The following PCDHB8 variants were observed in gnomAD, a reference collection of about 807,000 sequenced individuals.
PCDHB8 encodes the protein protocadherin beta 8, also known as protocadherin beta-8.
For synonymous variants in PCDHB8, 385 were observed against 448.5 expected (o/e 0.86, Z 1.79); for missense variants, 836 against 1,004.0 (o/e 0.83, Z 2.26).
chr5:141,178,428 C>T lies in PCDHB8; in HGVS notation c.394C>T (p.Pro132Ser), dbSNP rs1753435545. The T allele has an allele frequency of 6.2e-7, 1 of 1,612,962 alleles. No individual in the cohort carries two copies. The highest frequency in any genetic ancestry group is 8.5e-7 in the Non-Finnish European group (1 of 1,179,404). ...LQVIDINDHS[P>S]VFLDKQMLVK... ...AGTAATAGACATAAACGACCACTCT[C>T]CAGTATTTCTGGACAAACAAATGTT... The change falls in exon 1 of 1, where the codon CCA becomes TCA. Residue 132 changes from proline to serine, a missense_variant. Pro to Ser is a moderately conservative substitution (Grantham distance 74). Coordinates refer to ENST00000239444, the MANE Select transcript of PCDHB8 (RefSeq NM_019120.5).
At position 141,179,937 on chromosome 5, in the gene PCDHB8, G is replaced by T; in HGVS notation, c.1903G>T (p.Asp635Tyr). The change falls in exon 1 of 1, where the codon GAC becomes TAC. Residue 635 changes from aspartate to tyrosine, a missense_variant. Asp to Tyr is a radical substitution (Grantham distance 160). Transcript: ENST00000239444. ...VRTARLLSER[D>Y]AAKQRLVVLV... ...CACCGCCAGGCTGCTGAGCGAGCGC[G>T]ACGCGGCCAAGCAGAGGCTGGTGGT... The T allele has an allele frequency of 6.2e-7, 1 of 1,608,890 alleles. No homozygotes were observed. Among genetic ancestry groups the T allele is most frequent in the Non-Finnish European group, 8.5e-7 (1 of 1,179,558 alleles).
chr5:141,178,800 A>G lies in PCDHB8; in HGVS notation c.766A>G (p.Ser256Gly), dbSNP rs782521033. ...CTATAGGGTGCAGATCTCTGAGGAC[A>G]GTCCAATAAGCTTCCTGGTTGTGAA... ...PFYRVQISED[S>G]PISFLVVKVS... The change falls in exon 1 of 1, where the codon AGT becomes GGT. Residue 256 changes from serine to glycine, a missense_variant. Transcript: ENST00000239444. 2 of 1,614,040 alleles carry G rather than the reference A, an allele frequency of 1.2e-6. No individual in the cohort carries two copies. Among genetic ancestry groups the G allele is most frequent in the Non-Finnish European group, 1.7e-6 (2 of 1,180,004 alleles).
chr5:141,177,796 T>G lies in PCDHB8; in HGVS notation c.-239T>G. Reference sequence around the variant, plus strand: ...ATCCTGTGAGGACCCGTGGTGGCGCTGCAGGATAAGAAGGCACAAACCAGA... The same window carrying G: ...ATCCTGTGAGGACCCGTGGTGGCGCGGCAGGATAAGAAGGCACAAACCAGA... On this transcript the variant is annotated 5_prime_UTR_variant, in exon 1 of 1. Coordinates refer to ENST00000239444, the MANE Select transcript of PCDHB8 (RefSeq NM_019120.5). 1 of 632,410 alleles carries G rather than the reference T, an allele frequency of 1.6e-6. No homozygotes were observed. Among genetic ancestry groups the G allele is most frequent in the Admixed American group, 3.0e-5 (1 of 32,828 alleles). The allele number at this position is 632,410 out of a possible 1,614,324, so 39.2% of individuals were successfully genotyped here. A position where few individuals can be genotyped will look rare whatever the true frequency, so the allele number is the denominator to read the frequency against.
In PCDHB8 at chr5:141,178,973, T is replaced by G. The variant is rs1339306862; in HGVS notation, c.939T>G (p.Phe313Leu). The G allele has an allele frequency of 6.2e-7, 1 of 1,614,130 alleles. No individual in the cohort carries two copies. Among genetic ancestry groups the G allele is most frequent in the African/African-American group, 1.3e-5 (1 of 74,934 alleles). Reference protein sequence around the residue: ...RLKKQLDFEKFQSYEVNIEAR... With the variant: ...RLKKQLDFEKLQSYEVNIEAR... ...AGAAACAACTTGATTTCGAAAAATT[T>G]CAGTCCTATGAAGTCAATATCGAGG... The change falls in exon 1 of 1, where the codon TTT becomes TTG. Residue 313 changes from phenylalanine to leucine, a missense_variant. Coordinates refer to ENST00000239444, the MANE Select transcript of PCDHB8 (RefSeq NM_019120.5).
Position 141,178,955 on chromosome 5 carries a change from A to C in PCDHB8, c.921A>C (p.Gln307His), listed in dbSNP as rs782242390. 1.9e-6 allele frequency: 3 copies of C among 1,614,120 alleles called. No individual in the cohort carries two copies. Among genetic ancestry groups the C allele is most frequent in the African/African-American group, 2.7e-5 (2 of 74,932 alleles). Residue 307 changes from glutamine to histidine, a missense_variant, in exon 1 of 1, where the codon CAA becomes CAC. Transcript: ENST00000239444. ...CAGGAGAAATTCGACTAAAGAAACA[A>C]CTTGATTTCGAAAAATTTCAGTCCT... ...FLTGEIRLKK[Q>H]LDFEKFQSYE...
chr5:141,180,375 G>T lies in PCDHB8; in HGVS notation c.2341G>T (p.Gly781Trp). The change falls in exon 1 of 1, where the codon GGG (glycine) becomes TGG (tryptophan). Residue 781 changes from glycine to tryptophan, a missense_variant. Gly to Trp is a radical substitution (Grantham distance 184, BLOSUM62 -2). Coordinates refer to ENST00000239444, the MANE Select transcript of PCDHB8 (RefSeq NM_019120.5). ...VLPNIQGHSF[G>W]PEMEQNSNFR... ...ACCTAATATTCAGGGCCATTCTTTT[G>T]GGCCAGAAATGGAACAAAACTCTAA... The T allele has an allele frequency of 6.2e-7, 1 of 1,612,678 alleles. No individual in the cohort carries two copies. The highest frequency in any genetic ancestry group is 8.5e-7 in the Non-Finnish European group (1 of 1,178,842).
rs1554280808 is a variant in PCDHB8, at chr5:141,177,867, G to C, written c.-168G>C. 1 of 633,634 alleles carries C rather than the reference G, an allele frequency of 1.6e-6. No individual in the cohort carries two copies. The highest frequency in any genetic ancestry group is 2.8e-5 in the East Asian group (1 of 35,440). 39.3% of individuals were successfully genotyped at this position (633,634 alleles called of 1,614,324 possible). A position where few individuals can be genotyped will look rare whatever the true frequency, so the allele number is the denominator to read the frequency against. On this transcript the variant is annotated 5_prime_UTR_variant, in exon 1 of 1. Transcript: ENST00000239444. ...AACCGGCAAAAAGCAGCAGAACCTGGAAGTCCACGGGGAGCTTGGATGCCA... is the reference window on the plus strand; with the variant it reads ...AACCGGCAAAAAGCAGCAGAACCTGCAAGTCCACGGGGAGCTTGGATGCCA...
At position 141,180,179 on chromosome 5, in the gene PCDHB8, T is replaced by G. The variant is rs528552918; in HGVS notation, c.2145T>G (p.Cys715Trp). 17 of 1,612,516 alleles carry G rather than the reference T, an allele frequency of 1.1e-5. No individual in the cohort carries two copies. The highest frequency in any genetic ancestry group is 1.4e-5 in the Non-Finnish European group (17 of 1,179,916). The stretch of plus-strand genomic sequence containing the variant: ...TCCTGTTCGTGGCGGTGCTGCTGTG[T>G]AGGAGGAGCAGGGCGGCCTCGGTGG... ...SVLLFVAVLL[C>W]RRSRAASVGR... The change falls in exon 1 of 1, where the codon TGT (cysteine) becomes TGG (tryptophan). Residue 715 changes from cysteine to tryptophan, a missense_variant. Transcript: ENST00000239444.
In PCDHB8 at chr5:141,179,262, C is replaced by T; in HGVS notation, c.1228C>T (p.Leu410=). The T allele has an allele frequency of 6.2e-7, 1 of 1,614,254 alleles. No homozygotes were observed. Among genetic ancestry groups the T allele is most frequent in the East Asian group, 2.2e-5 (1 of 44,878 alleles). ...NFYTLLTETP[L]DRESRAEYNV... ...TTACACCCTACTAACAGAGACACCA[C>T]TAGACAGAGAAAGCAGAGCCGAGTA... is the stretch of plus-strand genomic sequence containing the variant. The change falls in exon 1 of 1, where the codon CTA becomes TTA. Residue 410 remains leucine (L), a synonymous_variant. Coordinates refer to ENST00000239444, the MANE Select transcript of PCDHB8 (RefSeq NM_019120.5).
Position 141,179,350 on chromosome 5 carries a change from C to A in PCDHB8, c.1316C>A (p.Thr439Asn), listed in dbSNP as rs1170238904. The A allele has an allele frequency of 1.9e-6, 3 of 1,614,140 alleles. No individual in the cohort carries two copies. Among genetic ancestry groups the A allele is most frequent in the Non-Finnish European group, 2.5e-6 (3 of 1,180,054 alleles). The part of the protein sequence containing the change: ...TPRLTTHLNM[T>N]VLVSDVNDNA... ...AGGCTGACAACACATCTCAATATGA[C>A]CGTGCTGGTGTCGGACGTCAATGAC... Residue 439 changes from threonine (T) to asparagine (N), a missense_variant, in exon 1 of 1, where the codon ACC (threonine) becomes AAC (asparagine). By Grantham distance (65) the Thr-to-Asn change is moderately conservative. Coordinates refer to ENST00000239444, the MANE Select transcript of PCDHB8 (RefSeq NM_019120.5).
chr5:141,180,141 C>T lies in PCDHB8; in HGVS notation c.2107C>T (p.Leu703Phe). The change falls in exon 1 of 1, where the codon CTC becomes TTC. Residue 703 changes from leucine (L) to phenylalanine (F), a missense_variant. By Grantham distance (22) the Leu-to-Phe change is conservative. Transcript: ENST00000239444. Reference protein sequence around the residue: ...VALASVSSLFLFSVLLFVAVL... With the variant: ...VALASVSSLFFFSVLLFVAVL... ...GTTGGCCTCGGTGTCTTCGCTCTTC[C>T]TCTTCTCGGTGCTCCTGTTCGTGGC... The T allele has an allele frequency of 6.2e-7, 1 of 1,611,630 alleles. No homozygotes were observed. The highest frequency in any genetic ancestry group is 8.5e-7 in the Non-Finnish European group (1 of 1,179,872).
Position 141,180,329 on chromosome 5 carries a change from C to G in PCDHB8, c.2295C>G (p.Phe765Leu). ...CLAGGSGTNE[F>L]QLLKPVLPNI... ...CAGGAGGCTCAGGGACGAATGAGTT[C>G]CAGCTCCTGAAACCAGTATTACCTA... Residue 765 changes from phenylalanine (F) to leucine (L), a missense_variant, in exon 1 of 1, where the codon TTC becomes TTG. Physicochemically the swap from Phe to Leu is conservative, Grantham distance 22. Coordinates refer to ENST00000239444, the MANE Select transcript of PCDHB8 (RefSeq NM_019120.5). The G allele has an allele frequency of 6.2e-7, 1 of 1,614,048 alleles. No homozygotes were observed. Among genetic ancestry groups the G allele is most frequent in the East Asian group, 2.2e-5 (1 of 44,882 alleles).
At position 141,178,976 on chromosome 5, in the gene PCDHB8, G is replaced by A. The variant is rs1334107753; in HGVS notation, c.942G>A (p.Gln314=). The change falls in exon 1 of 1, where the codon CAG becomes CAA. Residue 314 remains glutamine, a synonymous_variant. Coordinates refer to ENST00000239444, the MANE Select transcript of PCDHB8 (RefSeq NM_019120.5). ...AACAACTTGATTTCGAAAAATTTCA[G>A]TCCTATGAAGTCAATATCGAGGCGA... The part of the protein sequence containing the change: ...LKKQLDFEKF[Q]SYEVNIEARD... 1 of 1,614,238 alleles carries A rather than the reference G, an allele frequency of 6.2e-7. No individual in the cohort carries two copies. Among genetic ancestry groups the A allele is most frequent in the Non-Finnish European group, 8.5e-7 (1 of 1,180,052 alleles).
chr5:141,179,680 G>C lies in PCDHB8; in HGVS notation c.1646G>C (p.Arg549Pro), dbSNP rs782623402. The change falls in exon 1 of 1, where the codon CGC (arginine) becomes CCC (proline). Residue 549 changes from arginine to proline, a missense_variant. Arg to Pro is a moderately radical substitution (Grantham distance 103, BLOSUM62 -2). Transcript: ENST00000239444. The stretch of plus-strand genomic sequence containing the variant: ...GCTTTGAGCAGCGAGGCGCTGGTGC[G>C]CGTGCTGGTGCTGGACGCCAACGAC... ...SPALSSEALV[R>P]VLVLDANDNS... 1.2e-6 allele frequency: 2 copies of C among 1,612,334 alleles called. No homozygotes were observed. Among genetic ancestry groups the C allele is most frequent in the Non-Finnish European group, 8.5e-7 (1 of 1,179,828 alleles).
In PCDHB8 at chr5:141,178,742, C is replaced by G; in HGVS notation, c.708C>G (p.Val236=). 1 of 1,591,056 alleles carries G rather than the reference C, an allele frequency of 6.3e-7. No individual in the cohort carries two copies. The highest frequency in any genetic ancestry group is 2.3e-5 in the East Asian group (1 of 43,844). Reference sequence around the variant, plus strand: ...AGGTCTACATTGAAGTTGTCGATGTCAATGATAATGCCCCTGAATTTGAGC... The same window carrying G: ...AGGTCTACATTGAAGTTGTCGATGTGAATGATAATGCCCCTGAATTTGAGC... The part of the protein sequence containing the change: ...TAQVYIEVVD[V]NDNAPEFEQP... Residue 236 remains valine (V), a synonymous_variant, in exon 1 of 1, where the codon GTC becomes GTG. Transcript: ENST00000239444.
Position 141,179,862 on chromosome 5 carries a change from G to T in PCDHB8, c.1828G>T (p.Ala610Ser), listed in dbSNP as rs2149658195. 6.2e-7 allele frequency: 1 copy of T among 1,609,958 alleles called. No homozygotes were observed. The highest frequency in any genetic ancestry group is 2.2e-5 in the East Asian group (1 of 44,870). The change falls in exon 1 of 1, where the codon GCC (alanine) becomes TCC (serine). Residue 610 changes from alanine (A) to serine (S), a missense_variant. Coordinates refer to ENST00000239444, the MANE Select transcript of PCDHB8 (RefSeq NM_019120.5). ...NAWLSYQLLK[A>S]TEPGLFGVWA... is the part of the protein sequence containing the mutation. ...CTGGCTGTCGTACCAGCTGCTCAAG[G>T]CCACGGAGCCCGGGCTGTTCGGTGT...
At position 141,180,184 on chromosome 5, in the gene PCDHB8, G is replaced by T; in HGVS notation, c.2150G>T (p.Arg717Met). Residue 717 changes from arginine to methionine, a missense_variant, in exon 1 of 1, where the codon AGG becomes ATG. By Grantham distance (91) the Arg-to-Met change is moderately conservative (BLOSUM62 -1). Transcript: ENST00000239444. ...TTCGTGGCGGTGCTGCTGTGTAGGAGGAGCAGGGCGGCCTCGGTGGGTCGC... is the reference window on the plus strand; with the variant it reads ...TTCGTGGCGGTGCTGCTGTGTAGGATGAGCAGGGCGGCCTCGGTGGGTCGC... Reference protein sequence around the residue: ...LLFVAVLLCRRSRAASVGRCS... With the variant: ...LLFVAVLLCRMSRAASVGRCS... 3.1e-6 allele frequency: 5 copies of T among 1,612,546 alleles called. No individual in the cohort carries two copies. Among genetic ancestry groups the T allele is most frequent in the Non-Finnish European group, 4.2e-6 (5 of 1,179,910 alleles).
chr5:141,180,071 A>G lies in PCDHB8; in HGVS notation c.2037A>G (p.Pro679=), dbSNP rs781983619. The change falls in exon 1 of 1, where the codon CCA becomes CCG. Residue 679 remains proline, a synonymous_variant. Coordinates refer to ENST00000239444, the MANE Select transcript of PCDHB8 (RefSeq NM_019120.5). ...ACCTGCCGCTTCCGGAGGCTGCCCC[A>G]GCCCAGGGCCAGGCCGACTCTCTCA... The part of the protein sequence containing the change: ...QPYLPLPEAA[P]AQGQADSLTV... The G allele has an allele frequency of 1.4e-5, 22 of 1,609,704 alleles. No homozygotes were observed. The highest frequency in any genetic ancestry group is 2.1e-4 in the Middle Eastern group (1 of 4,758).
In PCDHB8 at chr5:141,180,030, G is replaced by C. The variant is rs782748024; in HGVS notation, c.1996G>C (p.Gly666Arg). ...TATLHVLLVD[G>R]FSQPYLPLPE... Reference sequence around the variant, plus strand: ...CACGCTGCACGTGCTCCTGGTGGACGGCTTCTCCCAGCCCTACCTGCCGCT... The same window carrying C: ...CACGCTGCACGTGCTCCTGGTGGACCGCTTCTCCCAGCCCTACCTGCCGCT... Residue 666 changes from glycine to arginine, a missense_variant, in exon 1 of 1, where the codon GGC becomes CGC. Gly to Arg is a moderately radical substitution (Grantham distance 125). Coordinates refer to ENST00000239444, the MANE Select transcript of PCDHB8 (RefSeq NM_019120.5). The C allele has an allele frequency of 2.5e-6, 4 of 1,609,240 alleles. No individual in the cohort carries two copies. The highest frequency in any genetic ancestry group is 3.3e-5 in the Admixed American group (2 of 59,996).
Sources: gnomAD v4.1 joint callset for allele counts on GRCh38, gnomAD v4.1.1 for gene constraint, MANE v1.5 for transcripts, NCBI Gene and HGNC (gene_info 2026-07-23, HGNC 2026-07-21) for gene names.